The following ZNF536 variants were observed in gnomAD, a reference collection of about 807,000 sequenced individuals.
ZNF536 encodes the protein zinc finger protein 536.
ZNF536 carries 13 observed loss-of-function variants against 84.5 expected under a neutral mutation model. The observed-to-expected ratio is 0.15, with a 90% CI of 0.10 to 0.24. The LOEUF (loss-of-function observed/expected upper bound fraction) is 0.24, where lower values mean the gene tolerates loss of function less well. Ranked by LOEUF, ZNF536 falls within the 10% of genes least tolerant of loss-of-function variation. ZNF536 has a pLI of 1.00. For synonymous variants in ZNF536, 811 were observed against 742.5 expected (o/e 1.09, Z -1.50); for missense variants, 1,536 against 1,747.5 (o/e 0.88, Z 2.16).
rs557928394 is a variant in ZNF536 at position 30,582,579 on chromosome 19, C to T, written c.169+33065C>T. Among the ~76,000 whole-genome samples, 9 of 151,726 alleles carry T rather than the reference C, an allele frequency of 5.9e-5. No homozygotes were observed. In the South Asian group the frequency reaches 1.5e-3, roughly 25 times the overall value. ...CTAATTTTTTTATTTTTTATAGAGA[C>T]GATGTATTAGTCTGTTCTCACACTG... On this transcript the variant is annotated intron_variant, in intron 1 of 1. Coordinates refer to the ZNF536 transcript ENST00000592773.
intron 1 of ZNF536, among the ~76,000 whole-genome samples, chr19:30,419,345 G>C (rs1323578626): frequency 6.6e-6 from 1 of 152,094 alleles, no homozygotes; most frequent in Non-Finnish European, 1.5e-5. Flanking sequence ...ATTGCTGATA[G>C]CATTCTAGGT....
At chr19:30,421,790 A>G (rs551395796) in intron 1 of ZNF536, among the ~76,000 whole-genome samples, 3 of 152,284 alleles carry the variant, frequency 2.0e-5, no homozygotes, top group Admixed American at 6.5e-5. Flanking sequence ...GTGTGTCTTT[A>G]ACACCTTCTA....
chr19:30,372,974 T>C (rs2048668349), intron 1 of ZNF536, among the ~76,000 whole-genome samples: 1 of 152,212 alleles, frequency 6.6e-6, no homozygotes, highest in African/African-American at 2.4e-5. Flanking sequence ...AAGATGAGCA[T>C]GAATTCTGAG....
intron 1 of ZNF536, among the ~76,000 whole-genome samples, chr19:30,587,907 T>G (rs528687414): frequency 3.3e-5 from 5 of 152,340 alleles, no homozygotes; most frequent in South Asian, 2.1e-4. Flanking sequence ...TGAAGTTGCT[T>G]CTGTAATTGG....
intron 2 of ZNF536, among the ~76,000 whole-genome samples, chr19:30,494,034 CCT>C (rs1599576872): frequency 6.6e-6 from 1 of 152,084 alleles, no homozygotes; most frequent in Non-Finnish European, 1.5e-5. Flanking sequence ...CAACCCTGCC[CCT>C]GTTTGCCCAT....
At position 30,451,387 on chromosome 19, in the gene ZNF536, T is replaced by A. The variant is rs140760057; in HGVS notation, c.2170+5655T>A. On this transcript the variant is annotated intron_variant, in intron 2 of 4. Coordinates refer to ENST00000355537, the MANE Select transcript of ZNF536 (RefSeq NM_014717.3). ...AAACTTCCCATTCACTTGGTAGACT[T>A]GTATCATCTCGTGCTTAGGAGCGAT... 1.8e-3 allele frequency among the ~76,000 whole-genome samples: 276 copies of A among 152,364 alleles called. 3 individuals carry two copies. The highest frequency in any genetic ancestry group is 6.3e-3 in the African/African-American group (264 of 41,582).
At chr19:30,498,156 C>T (rs931876771) in intron 2 of ZNF536, among the ~76,000 whole-genome samples, 31 of 152,072 alleles carry the variant, frequency 2.0e-4, no homozygotes, top group Admixed American at 5.2e-4. Context: ...CATTGCATTA[C>T]TATTCACAAT....
intron 2 of ZNF536, among the ~76,000 whole-genome samples, chr19:30,324,210 CCAT>C (rs1360726639): frequency 1.3e-5 from 2 of 151,738 alleles, no homozygotes; most frequent in Admixed American, 6.6e-5. Context: ...TATCATATAT[CCAT>C]CATCATCTGT....
At chr19:30,507,511 A>C (rs966847505) in intron 2 of ZNF536, among the ~76,000 whole-genome samples, 5 of 152,332 alleles carry the variant, frequency 3.3e-5, no homozygotes, top group East Asian at 1.9e-4. Context: ...AAAAGCAAAC[A>C]AAAAAGCAAC....
chr19:30,475,612 C>G (rs183697095), intron 2 of ZNF536, among the ~76,000 whole-genome samples: 1 of 152,166 alleles, frequency 6.6e-6, no homozygotes, highest in Admixed American at 6.5e-5. Flanking sequence ...TTGTCTGTGT[C>G]TTGGAGCAGG....
chr19:30,353,597 C>G (rs1441170022), intron 3 of ZNF536, among the ~76,000 whole-genome samples: 1 of 152,132 alleles, frequency 6.6e-6, no homozygotes, highest in Non-Finnish European at 1.5e-5. Flanking sequence ...CCACAGGCTT[C>G]CGGGCCCCGG....
chr19:30,312,683 C>T (rs1395941884), intron 2 of ZNF536, among the ~76,000 whole-genome samples: 3 of 152,220 alleles, frequency 2.0e-5, no homozygotes, highest in African/African-American at 7.2e-5. Context: ...GTGTGGACCA[C>T]CCCCACTGCT....
At chr19:30,363,546 A>G (rs1428281206) in intron 3 of ZNF536, among the ~76,000 whole-genome samples, 1 of 152,170 alleles carries the variant, frequency 6.6e-6, no homozygotes, top group African/African-American at 2.4e-5. Flanking sequence ...GGCTACAGCT[A>G]CAGACGGGAA....
chr19:30,584,662 C>A (rs1266183451), intron 1 of ZNF536, among the ~76,000 whole-genome samples: 2 of 152,204 alleles, frequency 1.3e-5, no homozygotes, highest in Non-Finnish European at 2.9e-5. Context: ...CCTTCCAGAG[C>A]AACACAGGTC....
intron 2 of ZNF536, among the ~76,000 whole-genome samples, chr19:30,499,592 A>C (rs1290958507): frequency 1.3e-5 from 2 of 152,226 alleles, no homozygotes; most frequent in Non-Finnish European, 2.9e-5. Flanking sequence ...ATATGACTTT[A>C]TATTTTATCT....
intron 1 of ZNF536, among the ~76,000 whole-genome samples, chr19:30,595,596 A>G (rs2047436763): frequency 6.6e-6 from 1 of 152,124 alleles, no homozygotes; most frequent in Admixed American, 6.5e-5. Context: ...CCAGAACTCA[A>G]TGTTCTTGAA....
At chr19:30,518,742 G>A (rs181034094) in intron 2 of ZNF536, among the ~76,000 whole-genome samples, 1 of 152,288 alleles carries the variant, frequency 6.6e-6, no homozygotes, top group African/African-American at 2.4e-5. Flanking sequence ...CTATGTGCTG[G>A]GCACCTAGCT....
At chr19:30,541,519 C>T (rs184422064) in intron 3 of ZNF536, among the ~76,000 whole-genome samples, 1 of 152,200 alleles carries the variant, frequency 6.6e-6, no homozygotes, top group African/African-American at 2.4e-5. Flanking sequence ...TCCTCTGTTC[C>T]CTATCCTTGC....
chr19:30,387,571 G>A (rs1004009851), intron 1 of ZNF536, among the ~76,000 whole-genome samples: 8 of 152,178 alleles, frequency 5.3e-5, no homozygotes, highest in South Asian at 4.1e-4. Flanking sequence ...CGTGGAGGCC[G>A]TTTTTCACCC....
Sources: allele counts gnomAD v4.1 joint callset (sites outside exome capture counted in the v4.1 genomes callset), GRCh38; gene constraint gnomAD v4.1.1; transcripts MANE v1.5; gene names NCBI Gene and HGNC (gene_info 2026-07-23, HGNC 2026-07-21).